CEP170: variants seen among roughly 807,000 people sequenced by gnomAD.
CEP170 encodes the protein centrosomal protein of 170 kDa.
CEP170 carries 21 observed loss-of-function variants against 151.9 expected under a neutral mutation model. The ratio of observed to expected loss-of-function variants is 0.14; its 90% confidence interval spans 0.10 to 0.20. The LOEUF is 0.20. CEP170 is among the 10% of genes least tolerant of loss of function. CEP170 has a pLI of 1.00. For synonymous variants in CEP170, 356 were observed against 648.8 expected, an observed-to-expected ratio of 0.55 and a Z score of 6.86; for missense variants, 964 against 1,892.9, an observed-to-expected ratio of 0.51 and a Z score of 9.11.
rs184058393 is a variant in CEP170 at position 243,240,112 on chromosome 1, A to C, written c.-41-14791T>G. 1.3e-4 allele frequency among the ~76,000 whole-genome samples: 20 copies of C among 152,252 alleles called. No individual in the cohort carries two copies. The East Asian group carries it at 3.7e-3, about 28-fold the overall frequency. On this transcript the variant is annotated intron_variant, in intron 1 of 19. Coordinates refer to ENST00000366542, the MANE Select transcript of CEP170 (RefSeq NM_014812.3). ...GATCACCTGAAGTCAGAAGTTTGAGACCAGTCTGGCCAACATGGTGAAACC... is the reference window on the plus strand; with the variant it reads ...GATCACCTGAAGTCAGAAGTTTGAGCCCAGTCTGGCCAACATGGTGAAACC...
At chr1:243,170,939 T>C (rs1449603412) in intron 11 of CEP170, among the ~76,000 whole-genome samples, 1 of 152,248 alleles carries the variant, frequency 6.6e-6, no homozygotes, top group African/African-American at 2.4e-5. Context: ...ACCAGAGCCA[T>C]GTGGACCATG....
Position 243,148,914 on chromosome 1 carries a change from T to C in CEP170, c.3912-6451A>G, listed in dbSNP as rs549399075. On this transcript the variant is annotated intron_variant, in intron 14 of 19. Coordinates refer to ENST00000366542, the MANE Select transcript of CEP170 (RefSeq NM_014812.3). ...TTTATGCAACAAAAGTATGGAGAAC[T>C]GGGAAAGAGTTACACTGAGCCACAA... 8.5e-5 allele frequency among the ~76,000 whole-genome samples: 13 copies of C among 152,144 alleles called. No homozygotes were observed. The East Asian group carries it at 2.5e-3, about 29-fold the overall frequency.
intron 10 of CEP170, among the ~76,000 whole-genome samples, chr1:243,174,507 T>C (rs913389515): frequency 6.6e-6 from 1 of 152,174 alleles, no homozygotes; most frequent in African/African-American, 2.4e-5. Flanking sequence ...CTAAAGTTCA[T>C]ATTTAGTGAA....
chr1:243,171,057 G>C (rs2058808013), intron 11 of CEP170, among the ~76,000 whole-genome samples: 2 of 152,206 alleles, frequency 1.3e-5, no homozygotes, highest in Admixed American at 1.3e-4. Context: ...TTCCTACAAA[G>C]GAACCTACCA....
chr1:243,148,371 G>A (rs959444395), intron 14 of CEP170, among the ~76,000 whole-genome samples: 12 of 151,806 alleles, frequency 7.9e-5, no homozygotes, highest in African/African-American at 2.9e-4. Context: ...AGGAGTTTGA[G>A]ACCAGCCTGG....
intron 17 of CEP170, among the ~76,000 whole-genome samples, chr1:243,131,203 G>A (rs1273478864): frequency 6.6e-6 from 1 of 152,090 alleles, no homozygotes; most frequent in Non-Finnish European, 1.5e-5. Context: ...TTAAAATACA[G>A]TTTGTTGGCC....
At chr1:243,245,501 G>A (rs1189584055) in intron 1 of CEP170, among the ~76,000 whole-genome samples, 1 of 152,084 alleles carries the variant, frequency 6.6e-6, no homozygotes, top group African/African-American at 2.4e-5. Context: ...GGATCACGAG[G>A]TCAGGAGTTC....
intron 14 of CEP170, among the ~76,000 whole-genome samples, chr1:243,153,058 A>AT (rs1163516046): frequency 1.3e-5 from 2 of 152,190 alleles, no homozygotes; most frequent in Non-Finnish European, 2.9e-5. Flanking sequence ...TCCAACCCTC[A>AT]TGGATGACTT....
At chr1:243,127,602 T>C (rs913390422) in intron 19 of CEP170, among the ~76,000 whole-genome samples, 1 of 152,148 alleles carries the variant, frequency 6.6e-6, no homozygotes, top group African/African-American at 2.4e-5. Context: ...TGAAAAATCA[T>C]TTTGATAGGA....
chr1:243,206,089 G>A (rs1268516077), intron 4 of CEP170, among the ~76,000 whole-genome samples: 1 of 152,138 alleles, frequency 6.6e-6, no homozygotes, highest in African/African-American at 2.4e-5. Flanking sequence ...TCTTTAAAGT[G>A]CTAAAAATAA....
intron 13 of CEP170, 151 bp from the exon 14 acceptor site, chr1:243,156,606 T>G (rs2057572754): frequency 1.6e-6 from 1 of 613,520 alleles, no homozygotes; most frequent in Admixed American, 3.3e-5. Context: ...ACCATAAGTC[T>G]ACTACTCCTT....
chr1:243,236,901 T>C (rs907935028), intron 1 of CEP170, among the ~76,000 whole-genome samples: 5 of 152,250 alleles, frequency 3.3e-5, no homozygotes, highest in Non-Finnish European at 7.3e-5. Context: ...CTGCCATGTG[T>C]CTGCAATTAA....
rs183841843 is a variant in CEP170 at position 243,150,681 on chromosome 1, G to A, written c.3911+5540C>T. 8.0e-4 allele frequency among the ~76,000 whole-genome samples: 70 copies of A among 87,446 alleles called. 1 individual carries two copies. Among genetic ancestry groups the A allele is most frequent in the African/African-American group, 2.6e-3 (62 of 23,630 alleles). 57.4% of individuals were successfully genotyped at this position (87,446 alleles called of 152,430 possible). On this transcript the variant is annotated intron_variant, in intron 14 of 19. Transcript: ENST00000366542. Reference sequence around the variant, plus strand: ...TATCTGGATTCTCATAAATTTAAACGTGTGAGATCTACACAAAATTAAAAG... The same window carrying A: ...TATCTGGATTCTCATAAATTTAAACATGTGAGATCTACACAAAATTAAAAG...
chr1:243,150,891 A>T (rs189645945), intron 14 of CEP170, among the ~76,000 whole-genome samples: 2 of 152,184 alleles, frequency 1.3e-5, no homozygotes, highest in African/African-American at 4.8e-5. Flanking sequence ...AACACATTTA[A>T]TTAACTCATC....
In CEP170 at chr1:243,125,467, T is replaced by C. The variant is rs1221036576; in HGVS notation, c.*982A>G. 6.5e-6 allele frequency: 1 copy of C among 152,698 alleles called. No homozygotes were observed. The highest frequency in any genetic ancestry group is 1.5e-5 in the Non-Finnish European group (1 of 68,106). The allele number at this position is 152,698 out of a possible 1,614,324, so 9.5% of individuals were successfully genotyped here. A position where few individuals can be genotyped will look rare whatever the true frequency, so the allele number is the denominator to read the frequency against. ...ACTACTGGTTCTCCAAGTCCCCTAA[T>C]GAAGAAAATTTTAACCTCATGATCA... On this transcript the variant is annotated 3_prime_UTR_variant, in exon 20 of 20. Transcript: ENST00000366542.
intron 3 of CEP170, among the ~76,000 whole-genome samples, chr1:243,213,961 T>A (rs575769108): frequency 1.7e-4 from 26 of 152,310 alleles, no homozygotes; most frequent in African/African-American, 6.0e-4. Context: ...TCCTCCTGCA[T>A]TGGCCTCCCA....
intron 3 of CEP170, among the ~76,000 whole-genome samples, chr1:243,217,477 G>C (rs995342312): frequency 6.6e-6 from 1 of 152,182 alleles, no homozygotes; most frequent in Non-Finnish European, 1.5e-5. Context: ...AGCACCTGTT[G>C]TGTGTTGAAC....
At chr1:243,149,129 C>T (rs753763866) in intron 14 of CEP170, among the ~76,000 whole-genome samples, 12 of 150,918 alleles carry the variant, frequency 8.0e-5, no homozygotes, top group African/African-American at 2.4e-4. Flanking sequence ...AAATGTTTAT[C>T]GCTACAGATA....
intron 3 of CEP170, among the ~76,000 whole-genome samples, chr1:243,220,714 T>A (rs751830718): frequency 1.3e-5 from 2 of 152,226 alleles, no homozygotes; most frequent in African/African-American, 4.8e-5. Context: ...AACAACACAG[T>A]ATTTGCTTGT....
Sources: gnomAD v4.1 joint callset for allele counts (sites outside exome capture counted in the v4.1 genomes callset) on GRCh38, gnomAD v4.1.1 for gene constraint, MANE v1.5 for transcripts, NCBI Gene and HGNC (gene_info 2026-07-23, HGNC 2026-07-21) for gene names.